MTMR1: variants seen among roughly 807,000 people sequenced by gnomAD.
MTMR1 encodes phosphatidylinositol-3-phosphate phosphatase MTMR1.
Under a neutral mutation model 51.6 loss-of-function variants are expected in MTMR1, and 17 were observed. The observed-to-expected ratio is 0.33, with a 90% CI of 0.23 to 0.49. MTMR1 has a LOEUF of 0.49. MTMR1 is among the 20% of genes least tolerant of loss of function. MTMR1 has a pLI of 0.99. For missense variants in MTMR1, 386 were observed against 526.9 expected (o/e 0.73, Z 2.62); for synonymous variants, 201 against 205.6 (o/e 0.98, Z 0.19).
At position 150,750,759 on chromosome X, in the gene MTMR1, A is replaced by T. The variant is rs1264634791; in HGVS notation, c.1596A>T (p.Leu532=). ...QFPSAFEFNE[L]FLITILDHLY... Reference sequence around the variant, plus strand: ...CTTCAGCATTCGAGTTTAATGAGCTATTCTTGATTACAATTTTGGATCACC... The same window carrying T: ...CTTCAGCATTCGAGTTTAATGAGCTTTTCTTGATTACAATTTTGGATCACC... The change falls in exon 14 of 16, where the codon CTA becomes CTT. Residue 532 remains leucine, a synonymous_variant. Coordinates refer to ENST00000445323, the MANE Select transcript of MTMR1 (RefSeq NM_001306144.3). 1 of 1,204,300 alleles carries T rather than the reference A, an allele frequency of 8.3e-7. No individual in the cohort carries two copies. Among genetic ancestry groups the T allele is most frequent in the Admixed American group, 2.2e-5 (1 of 45,509 alleles).
At chrX:150,741,107 T>C (rs1238902924) in intron 12 of MTMR1, among the ~76,000 whole-genome samples, 3 of 111,967 alleles carry the variant, frequency 2.7e-5, no homozygotes, top group South Asian at 7.6e-4. Flanking sequence ...ATCGTCCCCA[T>C]TGGAGCCAGA....
chrX:150,728,409 A>G (rs1243865832), intron 6 of MTMR1, among the ~76,000 whole-genome samples: 1 of 112,327 alleles, frequency 8.9e-6, no homozygotes, highest in Non-Finnish European at 1.9e-5. Context: ...AGTGAAAAGC[A>G]GAGACCAATA....
Position 150,706,172 on chromosome X carries a change from C to A in MTMR1, c.253-6170C>A, listed in dbSNP as rs782393501. ...AAACCTGCTAGCTCAGATCCGTCTT[C>A]CTATAAAGTCACCAGTCCCATCATG... On this transcript the variant is annotated intron_variant, in intron 2 of 15. Transcript: ENST00000445323. Among the ~76,000 whole-genome samples the A allele has an allele frequency of 2.0e-3, 227 of 111,370 alleles. 1 individual carries two copies. The highest frequency in any genetic ancestry group is 2.9e-3 in the Non-Finnish European group (156 of 52,981).
chrX:150,741,476 C>T (rs1557417316), intron 12 of MTMR1, among the ~76,000 whole-genome samples: 1 of 112,339 alleles, frequency 8.9e-6, no homozygotes, highest in East Asian at 2.8e-4. Context: ...CTTCCCCTAC[C>T]CCATCCTAGG....
chrX:150,720,900 C>T (rs782148831), intron 4 of MTMR1, among the ~76,000 whole-genome samples: 2 of 111,423 alleles, frequency 1.8e-5, no homozygotes, highest in African/African-American at 6.6e-5. Context: ...AGCTTTCAGT[C>T]TTTCACCATG....
At chrX:150,723,177 T>C (rs1193237691) in intron 4 of MTMR1, among the ~76,000 whole-genome samples, 1 of 111,354 alleles carries the variant, frequency 9.0e-6, no homozygotes. Flanking sequence ...ACAAAGGACA[T>C]GAACTCATCC....
chrX:150,730,331 T>A, intron 7 of MTMR1, 121 bp downstream of exon 7: 1 of 543,865 alleles, frequency 1.8e-6, no homozygotes, highest in Non-Finnish European at 2.8e-6. Flanking sequence ...TGTTGGTGAC[T>A]AATATTAGAA....
In MTMR1 at chrX:150,750,810, T is replaced by C; in HGVS notation, c.1647T>C (p.Phe549=). The change falls in exon 14 of 16, where the codon TTT becomes TTC. Residue 549 remains phenylalanine (F), a synonymous_variant. Transcript: ENST00000445323. ...TTTATAGCTGTCTTTTTGGGACCTT[T>C]TTGTGCAACTGTGAACAGCAGCGAT... The part of the protein sequence containing the change: ...DHLYSCLFGT[F]LCNCEQQRFK... 8.3e-7 allele frequency: 1 copy of C among 1,206,329 alleles called. No individual in the cohort carries two copies.
chrX:150,735,788 A>G (rs1557417141), intron 10 of MTMR1: 1 of 262,458 alleles, frequency 3.8e-6, no homozygotes, highest in African/African-American at 2.8e-5. Flanking sequence ...GAACACTTAA[A>G]ATCTACTCTC....
Position 150,732,685 on chromosome X carries a change from T to C in MTMR1, c.1035T>C (p.Leu345=). Residue 345 remains leucine (L), a synonymous_variant, in exon 10 of 16, where the codon CTT becomes CTC. Coordinates refer to ENST00000445323, the MANE Select transcript of MTMR1 (RefSeq NM_001306144.3). The part of the protein sequence containing the change: ...IMDANAQSHK[L]IIFDARQNSV... ...ATGCTAACGCACAGTCACACAAGCT[T>C]ATCATCTTTGATGCTCGACAAAACA... The C allele has an allele frequency of 4.1e-6, 5 of 1,209,938 alleles. No homozygotes were observed. The highest frequency in any genetic ancestry group is 5.6e-6 in the Non-Finnish European group (5 of 894,528).
At position 150,764,956 on chromosome X, in the gene MTMR1, G is replaced by GTATC. The variant is rs1249103331; in HGVS notation, c.*2229_*2232dup. 4 of 112,298 alleles carry GTATC rather than the reference G, an allele frequency of 3.6e-5. No individual in the cohort carries two copies. The highest frequency in any genetic ancestry group is 7.5e-5 in the Non-Finnish European group (4 of 53,297). The allele number at this position is 112,298 out of a possible 1,213,427, so 9.3% of individuals were successfully genotyped here. A position where few individuals can be genotyped will look rare whatever the true frequency, so the allele number is the denominator to read the frequency against. ...TGGTCTTTTTTAAGTAAGTAAGTAA[G>GTATC]TATCTTAGTAGATTTTTCCTTTGAG... is the stretch of plus-strand genomic sequence containing the variant. On this transcript the variant is annotated 3_prime_UTR_variant, in exon 16 of 16. Coordinates refer to ENST00000445323, the MANE Select transcript of MTMR1 (RefSeq NM_001306144.3).
chrX:150,698,106 C>T (rs1557415790), intron 1 of MTMR1, among the ~76,000 whole-genome samples: 1 of 111,286 alleles, frequency 9.0e-6, no homozygotes, highest in Non-Finnish European at 1.9e-5. Context: ...GCCTGGCCAA[C>T]ATGGTGAAAA....
rs1557418329 is a variant in MTMR1, at chrX:150,764,411, A to G, written c.*1682A>G. ...TAAGTCGTGTTCAACAATAGCTTTT[A>G]TGTTCCTAACATATCTGAAAGCTTA... is the stretch of plus-strand genomic sequence containing the variant. On this transcript the variant is annotated 3_prime_UTR_variant, in exon 16 of 16. Coordinates refer to ENST00000445323, the MANE Select transcript of MTMR1 (RefSeq NM_001306144.3). The G allele has an allele frequency of 8.9e-6, 1 of 112,086 alleles. No individual in the cohort carries two copies. The highest frequency in any genetic ancestry group is 9.4e-5 in the Admixed American group (1 of 10,610). The allele number at this position is 112,086 out of a possible 1,213,427, so 9.2% of individuals were successfully genotyped here.
chrX:150,711,091 C>G (rs782801089), intron 2 of MTMR1, among the ~76,000 whole-genome samples: 7 of 111,770 alleles, frequency 6.3e-5, no homozygotes, highest in African/African-American at 2.0e-4. Flanking sequence ...AATGATAAAC[C>G]TCAAATATTT....
chrX:150,727,686 C>T lies in MTMR1; in HGVS notation c.450C>T (p.Asp150=). Residue 150 remains aspartate, a splice_region_variant and synonymous_variant, in exon 6 of 16, where the codon GAC becomes GAT. Transcript: ENST00000445323. ...FKLYFKNVER[D]PHFILDVPLG... ...TTGATCTTAATTTTTGAACCTAGGA[C>T]CCGCATTTTATCCTTGATGTTCCCC... 1 of 1,205,585 alleles carries T rather than the reference C, an allele frequency of 8.3e-7. No homozygotes were observed. Among genetic ancestry groups the T allele is most frequent in the Admixed American group, 2.2e-5 (1 of 45,828 alleles).
At chrX:150,742,234 G>A (rs1013658550) in intron 12 of MTMR1, among the ~76,000 whole-genome samples, 3 of 111,938 alleles carry the variant, frequency 2.7e-5, no homozygotes, top group Non-Finnish European at 5.6e-5. Flanking sequence ...TAGGCTATAT[G>A]GTACAGCCTA....
intron 4 of MTMR1, among the ~76,000 whole-genome samples, chrX:150,724,737 C>G (rs782067089): frequency 5.2e-4 from 58 of 112,028 alleles, no homozygotes; most frequent in Non-Finnish European, 7.1e-4. Flanking sequence ...ATTTAGGTCT[C>G]TAATCCATCT....
intron 2 of MTMR1, among the ~76,000 whole-genome samples, chrX:150,702,615 G>A (rs1361946130): frequency 8.9e-6 from 1 of 112,210 alleles, no homozygotes; most frequent in African/African-American, 3.2e-5. Flanking sequence ...TATGTCCATG[G>A]ACGTATTTTA....
intron 10 of MTMR1, chrX:150,735,305 T>C (rs1474163524): frequency 3.0e-6 from 1 of 338,086 alleles, no homozygotes; most frequent in Admixed American, 5.7e-5. Flanking sequence ...AAAACCTCCT[T>C]ACATTCCTGG....
Sources: allele counts gnomAD v4.1 joint callset (sites outside exome capture counted in the v4.1 genomes callset), GRCh38; gene constraint gnomAD v4.1.1; transcripts MANE v1.5; gene names NCBI Gene and HGNC (gene_info 2026-07-23, HGNC 2026-07-21).